The following CEP112 variants were observed in gnomAD, a reference collection of about 807,000 sequenced individuals.
CEP112 encodes the protein centrosomal protein 112, also known as centrosomal protein of 112 kDa.
CEP112 carries 127 observed loss-of-function variants against 153.0 expected under a neutral mutation model. That is an observed-to-expected ratio of 0.83 (90% confidence interval 0.72 to 0.96). The LOEUF is 0.96. Among genes scored for constraint, CEP112 ranks in the 40% least tolerant of loss-of-function variants. The pLI, the probability that CEP112 is intolerant of heterozygous loss-of-function variation, is 0.00. For missense variants in CEP112, 1,089 were observed against 1,101.2 expected, an observed-to-expected ratio of 0.99 and a Z score of 0.16; for synonymous variants, 358 against 374.4, an observed-to-expected ratio of 0.96 and a Z score of 0.51.
chr17:65,751,646 CTTG>C (rs1341738184), intron 21 of CEP112, among the ~76,000 whole-genome samples: 1 of 152,144 alleles, frequency 6.6e-6, no homozygotes, highest in African/African-American at 2.4e-5. Flanking sequence ...GTCTCTTTTT[CTTG>C]TTGTTTCTAT....
intron 6 of CEP112, among the ~76,000 whole-genome samples, chr17:66,106,127 T>C (rs1240551782): frequency 6.6e-6 from 1 of 151,856 alleles, no homozygotes; most frequent in African/African-American, 2.4e-5. Flanking sequence ...AAATACAACA[T>C]ACCAAAATCT....
intron 6 of CEP112, among the ~76,000 whole-genome samples, chr17:66,118,291 T>C (rs1479148024): frequency 6.6e-6 from 1 of 152,166 alleles, no homozygotes; most frequent in Non-Finnish European, 1.5e-5. Context: ...GTAGCCAAGA[T>C]ATGGAATCAA....
At chr17:66,145,735 C>A (rs1243478996) in intron 4 of CEP112, among the ~76,000 whole-genome samples, 1 of 152,056 alleles carries the variant, frequency 6.6e-6, no homozygotes, top group Non-Finnish European at 1.5e-5. Context: ...TGATTTTAAG[C>A]CTAAAAATCA....
chr17:66,112,143 T>A (rs2069081121), intron 6 of CEP112, among the ~76,000 whole-genome samples: 1 of 151,598 alleles, frequency 6.6e-6, no homozygotes, highest in African/African-American at 2.4e-5. Context: ...ATACAAAAAT[T>A]AGCCAGGCAT....
rs1443278 is a variant in CEP112, at chr17:66,055,125, A to T, written c.1075-1246T>A. On this transcript the variant is annotated intron_variant, in intron 11 of 26. Transcript: ENST00000535342. ...AGAAAGGACAAATAGAGGCAGTGTG[A>T]ACTCTTATTTGACTAGAAAGATACT... Among the ~76,000 whole-genome samples the T allele has an allele frequency of 9.2e-5, 14 of 152,286 alleles. No individual in the cohort carries two copies. In the East Asian group the frequency reaches 1.5e-3, roughly 17 times the overall value.
chr17:65,655,382 C>T, intron 24 of CEP112: 1 of 1,548,712 alleles, frequency 6.5e-7, no homozygotes, highest in Non-Finnish European at 8.9e-7. Context: ...GGAAGCTCAA[C>T]TCCAGTAAAG....
chr17:65,766,525 G>T (rs998979776), intron 21 of CEP112, among the ~76,000 whole-genome samples: 2 of 152,080 alleles, frequency 1.3e-5, no homozygotes, highest in Non-Finnish European at 2.9e-5. Context: ...CATAGCAGTA[G>T]TAAGTCCTTA....
chr17:65,644,459 C>A, intron 24 of CEP112: 1 of 388,106 alleles, frequency 2.6e-6, no homozygotes, highest in Non-Finnish European at 4.8e-6. Context: ...CTTGAGGATT[C>A]GGTCTTCTCA....
chr17:65,883,263 C>CAT (rs34264279), intron 20 of CEP112, among the ~76,000 whole-genome samples: 46,349 of 146,624 alleles, frequency 0.32, 8,429 homozygotes, highest in Non-Finnish European at 0.43. Flanking sequence ...AAGAAGTTTA[C>CAT]ATATATATAT....
At chr17:66,127,050 C>T (rs572727976) in intron 6 of CEP112, among the ~76,000 whole-genome samples, 1 of 152,102 alleles carries the variant, frequency 6.6e-6, no homozygotes, top group South Asian at 2.1e-4. Flanking sequence ...CTATATGGTA[C>T]AAATATATAA....
intron 19 of CEP112, among the ~76,000 whole-genome samples, chr17:65,908,862 T>C (rs1018812813): frequency 9.9e-5 from 15 of 152,186 alleles, no homozygotes; most frequent in African/African-American, 3.6e-4. Context: ...ACGTCTTCAT[T>C]CCAATTGAAC....
chr17:66,010,442 C>A (rs879188358), intron 16 of CEP112, among the ~76,000 whole-genome samples: 3 of 152,090 alleles, frequency 2.0e-5, no homozygotes, highest in Non-Finnish European at 4.4e-5. Flanking sequence ...TATTTGGATA[C>A]CTTTTCTTTC....
chr17:65,719,152 C>T (rs746166533), intron 23 of CEP112, among the ~76,000 whole-genome samples: 5 of 152,344 alleles, frequency 3.3e-5, no homozygotes, highest in East Asian at 3.9e-4. Flanking sequence ...ACACTAGGCA[C>T]GGGGCTCTGC....
Position 65,902,209 on chromosome 17 carries a change from G to A in CEP112, c.2106C>T (p.Arg702=), listed in dbSNP as rs374621153. The A allele has an allele frequency of 9.7e-5, 156 of 1,613,656 alleles. No individual in the cohort carries two copies. Among genetic ancestry groups the A allele is most frequent in the Non-Finnish European group, 1.2e-4 (143 of 1,179,864 alleles). ...REIENLEKQL[R]AANMEHENQI... ...GATTTTCGTGCTCCATATTGGCAGC[G>A]CGAAGCTGTTTTTCCAGGTTTTCAA... The change falls in exon 20 of 27, where the codon CGC becomes CGT. Residue 702 remains arginine (R), a synonymous_variant. Transcript: ENST00000535342.
chr17:66,048,415 GA>G (rs1430603546), intron 12 of CEP112, among the ~76,000 whole-genome samples: 1 of 151,582 alleles, frequency 6.6e-6, no homozygotes, highest in African/African-American at 2.4e-5. Context: ...GTAAAGCTGG[GA>G]AAAAAAAGTT....
chr17:65,921,045 C>T (rs1489938602), intron 19 of CEP112, among the ~76,000 whole-genome samples: 1 of 151,962 alleles, frequency 6.6e-6, no homozygotes, highest in East Asian at 1.9e-4. Context: ...CCCTTATCAT[C>T]CTCGACTGAC....
intron 18 of CEP112, among the ~76,000 whole-genome samples, chr17:65,931,270 A>G (rs1374037860): frequency 1.3e-5 from 2 of 152,226 alleles, no homozygotes; most frequent in Non-Finnish European, 2.9e-5. Flanking sequence ...AACCTTCGTG[A>G]ATATTCCAGA....
At position 65,688,418 on chromosome 17, in the gene CEP112, GCCAGGGACT is replaced by G. The variant is rs1278373942; in HGVS notation, c.2697+702_2697+710del. On this transcript the variant is annotated intron_variant, in intron 24 of 26. Transcript: ENST00000535342. ...CTAGTTTTGTATACTCAGTTCTTTA[GCCAGGGACT>G]GGGTATGCCAGGCTAAGCATGTGAC... The G allele has an allele frequency of 3.3e-5, 5 of 152,304 alleles. No homozygotes were observed. The South Asian group carries it at 8.3e-4, about 25-fold the overall frequency. 9.4% of individuals were successfully genotyped at this position (152,304 alleles called of 1,614,324 possible). A position where few individuals can be genotyped will look rare whatever the true frequency, so the allele number is the denominator to read the frequency against.
chr17:65,687,774 G>C (rs562255295), intron 24 of CEP112, among the ~76,000 whole-genome samples: 391 of 152,248 alleles, frequency 2.6e-3, no homozygotes, highest in Non-Finnish European at 3.1e-3. Context: ...GATTAAAGAA[G>C]AAAAGAAAAC....
Sources: gnomAD v4.1 joint callset for allele counts (sites outside exome capture counted in the v4.1 genomes callset) on GRCh38, gnomAD v4.1.1 for gene constraint, MANE v1.5 for transcripts, NCBI Gene and HGNC (gene_info 2026-07-23, HGNC 2026-07-21) for gene names.